The following KCNIP1 variants were observed in gnomAD, a reference collection of about 807,000 sequenced individuals.
The protein encoded by KCNIP1 is A-type potassium channel modulatory protein KCNIP1.
A neutral mutation model predicts 33.0 loss-of-function variants in KCNIP1; 18 were observed. The observed-to-expected ratio is 0.55, with a 90% CI of 0.38 to 0.81. The LOEUF is 0.81. Among genes scored for constraint, KCNIP1 ranks in the 30% least tolerant of loss-of-function variants. The probability of loss-of-function intolerance (pLI) is 0.00; values close to 1 mark genes in which losing one functional copy is unlikely to be tolerated. For missense variants in KCNIP1, 238 were observed against 271.6 expected (o/e 0.88, Z 0.87); for synonymous variants, 93 against 98.3 (o/e 0.95, Z 0.32).
chr5:170,431,644 C>A (rs1407439539), intron 1 of KCNIP1, among the ~76,000 whole-genome samples: 1 of 152,210 alleles, frequency 6.6e-6, no homozygotes, highest in Admixed American at 6.5e-5. Flanking sequence ...AGAGAGAAGG[C>A]CTCCTCATTT....
intron 1 of KCNIP1, among the ~76,000 whole-genome samples, chr5:170,474,474 T>G (rs573209334): frequency 3.4e-4 from 52 of 152,320 alleles, no homozygotes; most frequent in Non-Finnish European, 6.0e-4. Context: ...TCAAAGAACC[T>G]AGAAGTGTGG....
intron 1 of KCNIP1, among the ~76,000 whole-genome samples, chr5:170,590,226 C>A (rs1486540848): frequency 6.6e-6 from 1 of 152,056 alleles, no homozygotes; most frequent in Non-Finnish European, 1.5e-5. Flanking sequence ...CTCAGAGAGA[C>A]AGGGGTCATT....
At chr5:170,493,312 T>C (rs1757245528) in intron 1 of KCNIP1, among the ~76,000 whole-genome samples, 1 of 152,164 alleles carries the variant, frequency 6.6e-6, no homozygotes, top group Admixed American at 6.5e-5. Context: ...CCTGGAGTAG[T>C]AAGAGTCAAT....
chr5:170,724,043 G>A (rs913397925), intron 5 of KCNIP1, among the ~76,000 whole-genome samples: 1 of 152,080 alleles, frequency 6.6e-6, no homozygotes. Flanking sequence ...TATTCCCCTG[G>A]GAAGCTCTTA....
intron 1 of KCNIP1, among the ~76,000 whole-genome samples, chr5:170,606,385 T>G (rs1758920404): frequency 6.6e-6 from 1 of 152,216 alleles, no homozygotes; most frequent in African/African-American, 2.4e-5. Flanking sequence ...GGTATCAGTT[T>G]CCCCACATCC....
chr5:170,555,695 T>G (rs570013689), intron 1 of KCNIP1, among the ~76,000 whole-genome samples: 1 of 152,140 alleles, frequency 6.6e-6, no homozygotes, highest in Admixed American at 6.5e-5. Context: ...AAAACTTCTT[T>G]AAGGAGGTTA....
intron 1 of KCNIP1, among the ~76,000 whole-genome samples, chr5:170,506,775 T>A (rs1561657294): frequency 6.6e-6 from 1 of 152,172 alleles, no homozygotes. Context: ...AGACAAGCTA[T>A]CGAAGCACTG....
intron 1 of KCNIP1, among the ~76,000 whole-genome samples, chr5:170,538,867 T>C (rs2113372477): frequency 6.6e-6 from 1 of 151,846 alleles, no homozygotes; most frequent in Middle Eastern, 3.4e-3. Flanking sequence ...ACCAATATTA[T>C]TCAATGAGTC....
chr5:170,733,753 G>T, intron 6 of KCNIP1, 83 bp from the exon 7 acceptor site: 2 of 1,172,548 alleles, frequency 1.7e-6, no homozygotes, highest in Non-Finnish European at 2.5e-6. Flanking sequence ...TCGTTACTCT[G>T]AGCTCCAGCA....
intron 1 of KCNIP1, among the ~76,000 whole-genome samples, chr5:170,544,009 A>C (rs1172384724): frequency 6.6e-6 from 1 of 152,234 alleles, no homozygotes; most frequent in Non-Finnish European, 1.5e-5. Context: ...AAAACGTTTA[A>C]GTGACCGGCT....
At chr5:170,507,480 G>C (rs1445503418) in intron 1 of KCNIP1, among the ~76,000 whole-genome samples, 1 of 152,128 alleles carries the variant, frequency 6.6e-6, no homozygotes, top group Non-Finnish European at 1.5e-5. Context: ...TTTCGAAGTA[G>C]GCAGTACATC....
chr5:170,431,255 G>C (rs1755733799), intron 1 of KCNIP1, among the ~76,000 whole-genome samples: 1 of 152,260 alleles, frequency 6.6e-6, no homozygotes, highest in Admixed American at 6.5e-5. Flanking sequence ...ATCTTCTCCA[G>C]TTACTCAACA....
At chr5:170,406,029 C>T (rs1480780180) in intron 1 of KCNIP1, among the ~76,000 whole-genome samples, 2 of 152,230 alleles carry the variant, frequency 1.3e-5, no homozygotes, top group Non-Finnish European at 2.9e-5. Flanking sequence ...CTTCCACTTC[C>T]TCAAAACTTA....
At chr5:170,539,818 G>A (rs1756128945) in intron 1 of KCNIP1, among the ~76,000 whole-genome samples, 1 of 152,060 alleles carries the variant, frequency 6.6e-6, no homozygotes, top group African/African-American at 2.4e-5. Context: ...GGGCTGAATT[G>A]GGGGGAATAG....
intron 1 of KCNIP1, among the ~76,000 whole-genome samples, chr5:170,364,415 C>A (rs1763598981): frequency 6.6e-6 from 1 of 152,130 alleles, no homozygotes; most frequent in Admixed American, 6.5e-5. Context: ...TGCTTTTTAT[C>A]CATTGATGGA....
intron 1 of KCNIP1, among the ~76,000 whole-genome samples, chr5:170,434,045 C>T (rs1042083162): frequency 6.6e-6 from 1 of 152,194 alleles, no homozygotes; most frequent in Non-Finnish European, 1.5e-5. Context: ...TTTGTGCCCA[C>T]TTTTCTCATC....
intron 1 of KCNIP1, among the ~76,000 whole-genome samples, chr5:170,433,238 G>A (rs963779865): frequency 1.3e-5 from 2 of 152,132 alleles, no homozygotes; most frequent in African/African-American, 2.4e-5. Context: ...CCAGGCTGGA[G>A]TACAGTGGCA....
At chr5:170,449,928 A>C (rs1263236973) in intron 1 of KCNIP1, among the ~76,000 whole-genome samples, 1 of 152,002 alleles carries the variant, frequency 6.6e-6, no homozygotes, top group Non-Finnish European at 1.5e-5. Flanking sequence ...ACCTTCTTGG[A>C]AGGCCGGGAG....
chr5:170,685,768 T>C (rs4868015), intron 1 of KCNIP1, among the ~76,000 whole-genome samples: 102,520 of 152,036 alleles, frequency 0.67, 35,460 homozygotes, highest in East Asian at 0.94. Context: ...GGATTACAGG[T>C]GTGAGCCACT....
Sources: allele counts gnomAD v4.1 joint callset (sites outside exome capture counted in the v4.1 genomes callset), GRCh38; gene constraint gnomAD v4.1.1; transcripts MANE v1.5; gene names NCBI Gene and HGNC (gene_info 2026-07-23, HGNC 2026-07-21).